PALM2AKAP2: variants seen among roughly 807,000 people sequenced by gnomAD.
PALM2AKAP2 encodes PALM2-AKAP2 fusion protein.
Under a neutral mutation model 71.5 loss-of-function variants are expected in PALM2AKAP2, and 37 were observed. The observed-to-expected ratio is 0.52, with a 90% CI of 0.40 to 0.68. The LOEUF is 0.68. Among genes scored for constraint, PALM2AKAP2 ranks in the 30% least tolerant of loss-of-function variants. The probability of loss-of-function intolerance (pLI) is 0.00; values close to 1 mark genes in which losing one functional copy is unlikely to be tolerated. For synonymous variants in PALM2AKAP2, 468 were observed against 478.8 expected (o/e 0.98, Z 0.29); for missense variants, 1,224 against 1,191.8 (o/e 1.03, Z -0.40).
At chr9:109,758,025 T>C (rs1440399443) in intron 1 of PALM2AKAP2, among the ~76,000 whole-genome samples, 1 of 151,934 alleles carries the variant, frequency 6.6e-6, no homozygotes, top group Non-Finnish European at 1.5e-5. Context: ...CTAATACCAG[T>C]TGGTGGCATA....
intron 2 of PALM2AKAP2, among the ~76,000 whole-genome samples, chr9:109,873,082 G>A (rs1829642928): frequency 6.6e-6 from 1 of 152,032 alleles, no homozygotes; most frequent in Non-Finnish European, 1.5e-5. Flanking sequence ...GATAGGGGAA[G>A]AGAAAGAGGG....
chr9:109,928,676 T>C (rs1831012926), intron 5 of PALM2AKAP2, among the ~76,000 whole-genome samples: 2 of 102,938 alleles, frequency 1.9e-5, no homozygotes, highest in African/African-American at 2.8e-5. Flanking sequence ...TCTCGCTCTC[T>C]TTTTTTTTTT....
intron 6 of PALM2AKAP2, 59 bp downstream of exon 6, chr9:109,932,087 C>CA: frequency 6.6e-7 from 1 of 1,513,230 alleles, no homozygotes; most frequent in Non-Finnish European, 9.0e-7. Context: ...TTTCACTGAG[C>CA]TTTATTAATG....
intron 6 of PALM2AKAP2, among the ~76,000 whole-genome samples, chr9:109,993,423 G>A (rs942214906): frequency 6.6e-6 from 1 of 152,168 alleles, no homozygotes; most frequent in African/African-American, 2.4e-5. Context: ...TCCCAGGGCT[G>A]GCTCTCATTG....
chr9:109,894,365 C>T (rs985318833), intron 3 of PALM2AKAP2, among the ~76,000 whole-genome samples: 1 of 152,138 alleles, frequency 6.6e-6, no homozygotes, highest in East Asian at 1.9e-4. Flanking sequence ...AACAAAAATG[C>T]ATCTAAGTTG....
intron 1 of PALM2AKAP2, among the ~76,000 whole-genome samples, chr9:109,864,469 C>T (rs1044253447): frequency 1.3e-5 from 2 of 152,212 alleles, no homozygotes; most frequent in African/African-American, 4.8e-5. Context: ...ATTGGTACAG[C>T]TCTAAGCTAG....
intron 1 of PALM2AKAP2, among the ~76,000 whole-genome samples, chr9:109,797,767 G>C (rs1263404918): frequency 6.6e-6 from 1 of 152,250 alleles, no homozygotes; most frequent in South Asian, 2.1e-4. Flanking sequence ...CTCTAGTTTA[G>C]TTCCCTTTGA....
At chr9:109,761,540 A>G (rs1829052864) in intron 1 of PALM2AKAP2, among the ~76,000 whole-genome samples, 1 of 151,948 alleles carries the variant, frequency 6.6e-6, no homozygotes, top group African/African-American at 2.4e-5. Flanking sequence ...CCCACCCCCA[A>G]CAGGCCCTGG....
intron 1 of PALM2AKAP2, among the ~76,000 whole-genome samples, chr9:109,824,441 A>C (rs1229560944): frequency 6.6e-6 from 1 of 152,058 alleles, no homozygotes; most frequent in Non-Finnish European, 1.5e-5. Context: ...TGTGACCATA[A>C]CCTCTGATAC....
At chr9:110,019,108 G>T (rs577608594) in intron 7 of PALM2AKAP2, among the ~76,000 whole-genome samples, 4 of 151,774 alleles carry the variant, frequency 2.6e-5, no homozygotes, top group African/African-American at 9.7e-5. Context: ...GTGTGATGGC[G>T]CGTGCCTGTA....
intron 7 of PALM2AKAP2, among the ~76,000 whole-genome samples, chr9:110,041,794 T>C (rs947439983): frequency 6.6e-6 from 1 of 152,218 alleles, no homozygotes; most frequent in Non-Finnish European, 1.5e-5. Context: ...GGCGACTGTG[T>C]CCACCTCCGG....
intron 3 of PALM2AKAP2, among the ~76,000 whole-genome samples, chr9:109,910,648 T>C (rs577698919): frequency 1.3e-3 from 193 of 152,236 alleles, no homozygotes; most frequent in African/African-American, 4.3e-3. Context: ...GTGGCAGTCA[T>C]GGACTTGACT....
intron 1 of PALM2AKAP2, among the ~76,000 whole-genome samples, chr9:109,766,682 A>G (rs1247667031): frequency 1.3e-5 from 2 of 152,252 alleles, no homozygotes; most frequent in African/African-American, 4.8e-5. Context: ...ACTCTGATGT[A>G]GTAAATCTAC....
upstream of PALM2AKAP2, chr9:109,780,184 C>G: frequency 2.9e-6 from 2 of 678,508 alleles, no homozygotes; most frequent in Non-Finnish European, 3.7e-6. Flanking sequence ...CGCGCCCTCC[C>G]GGCGGCTGCC....
chr9:109,830,531 G>GA (rs909887408), intron 1 of PALM2AKAP2, among the ~76,000 whole-genome samples: 1 of 152,132 alleles, frequency 6.6e-6, no homozygotes, highest in African/African-American at 2.4e-5. Context: ...AGAGAGAGGA[G>GA]AAAAAACCTA....
At chr9:110,095,432 G>A (rs550652921) in intron 1 of PALM2AKAP2, among the ~76,000 whole-genome samples, 47 of 152,158 alleles carry the variant, frequency 3.1e-4, no homozygotes, top group African/African-American at 1.1e-3. Flanking sequence ...GGGGAGGCCC[G>A]CCTTCAACTT....
intron 1 of PALM2AKAP2, among the ~76,000 whole-genome samples, chr9:110,113,211 G>A (rs1305728323): frequency 6.7e-6 from 1 of 150,260 alleles, no homozygotes; most frequent in African/African-American, 2.4e-5. Flanking sequence ...TGTTGTTGTT[G>A]TTTGTCTTTT....
intron 3 of PALM2AKAP2, among the ~76,000 whole-genome samples, chr9:109,899,448 C>T (rs1330940546): frequency 2.6e-5 from 4 of 151,760 alleles, no homozygotes; most frequent in Non-Finnish European, 5.9e-5. Flanking sequence ...AGCTTCTCAC[C>T]TAGTCTCCCT....
chr9:110,156,167 C>T (rs924564935), intron 2 of PALM2AKAP2, 152 bp from the exon 9 acceptor site: 8 of 1,112,790 alleles, frequency 7.2e-6, no homozygotes, highest in Non-Finnish European at 8.3e-6. Context: ...TGCTTTGATC[C>T]CTGTAATATA....
Sources: gnomAD v4.1 joint callset for allele counts (sites outside exome capture counted in the v4.1 genomes callset) on GRCh38, gnomAD v4.1.1 for gene constraint, MANE v1.5 for transcripts, NCBI Gene and HGNC (gene_info 2026-07-23, HGNC 2026-07-21) for gene names.